Variants in COLQ observed in about 807,000 individuals in gnomAD.
COLQ encodes collagen like tail subunit of asymmetric acetylcholinesterase.
A neutral mutation model predicts 69.0 loss-of-function variants in COLQ; 48 were observed. The observed-to-expected ratio is 0.70, with a 90% CI of 0.55 to 0.88. The LOEUF (loss-of-function observed/expected upper bound fraction) is 0.88. Ranked by LOEUF, COLQ falls within the 40% of genes least tolerant of loss-of-function variation. The pLI is 0.00. For synonymous variants in COLQ, 217 were observed against 211.2 expected, an observed-to-expected ratio of 1.03 and a Z score of -0.24; for missense variants, 618 against 594.6, an observed-to-expected ratio of 1.04 and a Z score of -0.41.
chr3:15,478,181 T>G (rs1343158520), intron 5 of COLQ, among the ~76,000 whole-genome samples: 1 of 152,052 alleles, frequency 6.6e-6, no homozygotes, highest in East Asian at 1.9e-4. Context: ...CTTTGACCAT[T>G]GCCATGGAGA....
Position 15,488,249 on chromosome 3 carries a change from C to T in COLQ, c.278G>A (p.Cys93Tyr). 3 of 1,613,536 alleles carry T rather than the reference C, an allele frequency of 1.9e-6. No individual in the cohort carries two copies. The highest frequency in any genetic ancestry group is 1.3e-5 in the African/African-American group (1 of 75,036). ...AGGGGAGCCTAGCGAGCCTTGCATG[C>T]ACGGGGACTGCGAGGTCTCCAGTTC... ...MLELETSQSPCMQGSLGSPGP... is the reference protein window; with the variant it reads ...MLELETSQSPYMQGSLGSPGP... Residue 93 changes from cysteine to tyrosine, a missense_variant, in exon 3 of 17, where the codon TGC becomes TAC. By Grantham distance (194) the Cys-to-Tyr change is radical. Transcript: ENST00000383788.
intron 1 of COLQ, among the ~76,000 whole-genome samples, chr3:15,513,119 T>G (rs905651): frequency 0.041 from 6,257 of 152,060 alleles, 299 homozygotes; most frequent in Admixed American, 0.14. Context: ...GTGTCAAGAG[T>G]CTGGTGACCA....
chr3:15,506,026 C>T (rs1199278598), intron 1 of COLQ, among the ~76,000 whole-genome samples: 1 of 152,248 alleles, frequency 6.6e-6, no homozygotes, highest in Non-Finnish European at 1.5e-5. Context: ...AGTCCCATGG[C>T]TGCCCACTGG....
At chr3:15,454,653 T>C (rs1468027621) in intron 15 of COLQ, among the ~76,000 whole-genome samples, 1 of 55,212 alleles carries the variant, frequency 1.8e-5, no homozygotes, top group Non-Finnish European at 4.2e-5. Flanking sequence ...CCTGAACTGT[T>C]TTTTTTTTTT....
chr3:15,474,296 G>T lies in COLQ; in HGVS notation c.556-24C>A, dbSNP rs1488191374. 3.7e-6 allele frequency: 6 copies of T among 1,612,218 alleles called. No individual in the cohort carries two copies. The African/African-American group carries it at 5.3e-5, about 14-fold the overall frequency. The stretch of plus-strand genomic sequence containing the variant: ...CCCTAGGAAGAAACCATAGGAGAAA[G>T]TCAATGAGTTAATATCCTGGGAGGG... On this transcript the variant is annotated intron_variant, in intron 8 of 16. Coordinates refer to ENST00000383788, the MANE Select transcript of COLQ (RefSeq NM_005677.4).
Position 15,491,893 on chromosome 3 carries a change from A to G in COLQ, c.107-2256T>C, listed in dbSNP as rs552837328. ...GCCAACATGGTGAAACCCCATCTCT[A>G]CTAAAAATACAAAAATTAGCTGGGC... On this transcript the variant is annotated intron_variant, in intron 1 of 16. Transcript: ENST00000383788. 1.8e-4 allele frequency among the ~76,000 whole-genome samples: 28 copies of G among 152,126 alleles called. 1 individual carries two copies. Among genetic ancestry groups the G allele is most frequent in the Admixed American group, 1.5e-3 (23 of 15,286 alleles).
At chr3:15,518,506 C>T (rs560771793) in intron 1 of COLQ, among the ~76,000 whole-genome samples, 1 of 152,322 alleles carries the variant, frequency 6.6e-6, no homozygotes, top group South Asian at 2.1e-4. Context: ...TTAGCGATGG[C>T]ATTTCTATCA....
chr3:15,479,724 C>G (rs2062445690), intron 3 of COLQ, among the ~76,000 whole-genome samples: 1 of 152,212 alleles, frequency 6.6e-6, no homozygotes, highest in Admixed American at 6.5e-5. Context: ...ATCCCATTTG[C>G]TGAAAACAAG....
At position 15,470,312 on chromosome 3, in the gene COLQ, G is replaced by C. The variant is rs144118250; in HGVS notation, c.717+224C>G. On this transcript the variant is annotated intron_variant, in intron 11 of 16. Coordinates refer to ENST00000383788, the MANE Select transcript of COLQ (RefSeq NM_005677.4). ...ATATCCACTCTTGCTTCTGGCCTTG[G>C]CACAGTTCACATGGAGCATCCTATC... Among the ~76,000 whole-genome samples, 10 of 152,236 alleles carry C rather than the reference G, an allele frequency of 6.6e-5. No homozygotes were observed. The East Asian group carries it at 1.9e-3, about 29-fold the overall frequency.
rs1163184947 is a variant in COLQ at position 15,470,653 on chromosome 3, G to A, written c.637-37C>T. On this transcript the variant is annotated intron_variant, in intron 10 of 16. Transcript: ENST00000383788. ...GAAAGAGAAGCAAGAGAGGACTTAG[G>A]GCATGTGGAGTGGGCACATCTACAC... 3 of 1,594,812 alleles carry A rather than the reference G, an allele frequency of 1.9e-6. No individual in the cohort carries two copies. In the South Asian group the frequency reaches 3.3e-5, roughly 18 times the overall value.
At chr3:15,495,008 C>G (rs918290127) in intron 1 of COLQ, among the ~76,000 whole-genome samples, 5 of 152,136 alleles carry the variant, frequency 3.3e-5, no homozygotes, top group Non-Finnish European at 7.3e-5. Flanking sequence ...TTAACTGAGG[C>G]AAAGAGGTTA....
chr3:15,513,673 G>A (rs370409707), intron 1 of COLQ, among the ~76,000 whole-genome samples: 8 of 152,220 alleles, frequency 5.3e-5, no homozygotes, highest in African/African-American at 1.9e-4. Context: ...TCAAATCCTT[G>A]TCTCAGGCTC....
chr3:15,479,148 G>A (rs1337526803), intron 4 of COLQ, 145 bp from the exon 5 acceptor site: 8 of 1,185,384 alleles, frequency 6.7e-6, no homozygotes, highest in Middle Eastern at 3.9e-4. Context: ...ATGTCGATAG[G>A]CCACGTCAAA....
intron 1 of COLQ, among the ~76,000 whole-genome samples, chr3:15,491,780 C>T (rs2125143546): frequency 6.6e-6 from 1 of 152,266 alleles, no homozygotes; most frequent in South Asian, 2.1e-4. Flanking sequence ...GATTTATGGG[C>T]CAGGCATGGT....
At chr3:15,494,356 C>A (rs751047677) in intron 1 of COLQ, among the ~76,000 whole-genome samples, 1 of 152,030 alleles carries the variant, frequency 6.6e-6, no homozygotes, top group African/African-American at 2.4e-5. Context: ...ACGGGGCCAA[C>A]ATGTTGCAGG....
intron 1 of COLQ, among the ~76,000 whole-genome samples, chr3:15,518,282 T>G (rs1437311707): frequency 6.6e-6 from 1 of 152,124 alleles, no homozygotes; most frequent in Non-Finnish European, 1.5e-5. Flanking sequence ...CATTTCCTAA[T>G]TCTTTATTGT....
chr3:15,499,020 ACCCC>A, intron 1 of COLQ: 166 of 937,854 alleles, frequency 1.8e-4, no homozygotes, highest in East Asian at 1.1e-3. Flanking sequence ...CTCAAAGTCA[ACCCC>A]CCACCGAGAC....
intron 1 of COLQ, among the ~76,000 whole-genome samples, chr3:15,518,965 G>A (rs2125193514): frequency 6.6e-6 from 1 of 152,224 alleles, no homozygotes; most frequent in East Asian, 1.9e-4. Flanking sequence ...GAGTCTATAA[G>A]CTTCTGAATA....
chr3:15,484,553 C>A (rs977294657), intron 3 of COLQ, among the ~76,000 whole-genome samples: 10 of 152,182 alleles, frequency 6.6e-5, no homozygotes, highest in Non-Finnish European at 1.2e-4. Flanking sequence ...TCAGGTACAC[C>A]AATCAGACGT....
Sources: allele counts gnomAD v4.1 joint callset (sites outside exome capture counted in the v4.1 genomes callset), GRCh38; gene constraint gnomAD v4.1.1; transcripts MANE v1.5; gene names NCBI Gene and HGNC (gene_info 2026-07-23, HGNC 2026-07-21).